Variants in NFKB1 observed in about 807,000 individuals in gnomAD.
NFKB1 encodes nuclear factor kappa B subunit 1, also known as nuclear factor NF-kappa-B p105 subunit.
In NFKB1, 9 loss-of-function variants were observed where a neutral mutation model predicts 105.1. The ratio of observed to expected loss-of-function variants is 0.09; its 90% CI spans 0.05 to 0.15. The LOEUF is 0.15. NFKB1 is among the 10% of genes least tolerant of loss of function. NFKB1 has a pLI of 1.00. For synonymous variants in NFKB1, 440 were observed against 442.2 expected, an observed-to-expected ratio of 1.00 and a Z score of 0.06; for missense variants, 830 against 1,203.7, an observed-to-expected ratio of 0.69 and a Z score of 4.59.
At chr4:102,520,180 A>G (rs1357545950) in intron 1 of NFKB1, among the ~76,000 whole-genome samples, 2 of 152,242 alleles carry the variant, frequency 1.3e-5, no homozygotes, top group Non-Finnish European at 1.5e-5. Context: ...CAAACAGTTT[A>G]TCTAGCAGTG....
In NFKB1 at chr4:102,616,827, T is replaced by G; in HGVS notation, c.*233T>G. 1 of 404,166 alleles carries G rather than the reference T, an allele frequency of 2.5e-6. No individual in the cohort carries two copies. The highest frequency in any genetic ancestry group is 4.5e-6 in the Non-Finnish European group (1 of 221,288). The allele number at this position is 404,166 out of a possible 1,614,324, so 25.0% of individuals were successfully genotyped here. ...GCAATCACAACACTGGCTGAGCGGA[T>G]GCATCTGGGGATGAGGTTGCTTACT... On this transcript the variant is annotated 3_prime_UTR_variant, in exon 24 of 24. Transcript: ENST00000226574.
intron 5 of NFKB1, among the ~76,000 whole-genome samples, chr4:102,541,555 C>T (rs540438764): frequency 2.1e-4 from 32 of 152,134 alleles, no homozygotes; most frequent in Non-Finnish European, 4.0e-4. Flanking sequence ...CTGTTATAAA[C>T]TATTACAGAA....
intron 1 of NFKB1, among the ~76,000 whole-genome samples, chr4:102,509,950 C>T (rs1190864037): frequency 6.6e-6 from 1 of 152,206 alleles, no homozygotes; most frequent in African/African-American, 2.4e-5. Context: ...CTGATTCTCG[C>T]ACACCTCACC....
At chr4:102,564,767 C>T (rs1373343095) in intron 5 of NFKB1, among the ~76,000 whole-genome samples, 1 of 152,182 alleles carries the variant, frequency 6.6e-6, no homozygotes, top group African/African-American at 2.4e-5. Flanking sequence ...TTATGGATTC[C>T]TTCTGGTGTC....
chr4:102,551,502 T>G (rs1722608345), intron 5 of NFKB1, among the ~76,000 whole-genome samples: 1 of 152,144 alleles, frequency 6.6e-6, no homozygotes, highest in South Asian at 2.1e-4. Context: ...TTGACAGGTG[T>G]ACTTCTCAAA....
rs768698948 is a variant in NFKB1 at position 102,579,012 on chromosome 4, G to A, written c.703G>A (p.Val235Met). The A allele has an allele frequency of 6.2e-6, 10 of 1,613,926 alleles. No homozygotes were observed. Among genetic ancestry groups the A allele is most frequent in the African/African-American group, 5.3e-5 (4 of 74,910 alleles). The change falls in exon 8 of 24, where the codon GTG becomes ATG. Residue 235 changes from valine to methionine, a missense_variant. By Grantham distance (21) the Val-to-Met change is conservative. Coordinates refer to ENST00000226574, the MANE Select transcript of NFKB1 (RefSeq NM_003998.4). Reference sequence around the variant, plus strand: ...CAGCTTCACAAGGCGCCTGGAACCCGTGGTATCAGACGCCATCTATGACAG... The same window carrying A: ...CAGCTTCACAAGGCGCCTGGAACCCATGGTATCAGACGCCATCTATGACAG... ...TGSFTRRLEP[V>M]VSDAIYDSKA... is the part of the protein sequence containing the mutation.
chr4:102,574,476 ATC>A (rs2149178465), intron 6 of NFKB1, among the ~76,000 whole-genome samples: 1 of 151,610 alleles, frequency 6.6e-6, no homozygotes, highest in Non-Finnish European at 1.5e-5. Context: ...CTCTGAGTGT[ATC>A]TCTGTTTGCG....
At chr4:102,578,063 A>G (rs1309016169) in intron 7 of NFKB1, 3 of 811,868 alleles carry the variant, frequency 3.7e-6, no homozygotes, top group Non-Finnish European at 4.5e-6. Flanking sequence ...GTCAAAGTCT[A>G]CTACTTGGTA....
At chr4:102,550,321 A>G (rs894144219) in intron 5 of NFKB1, among the ~76,000 whole-genome samples, 4 of 152,096 alleles carry the variant, frequency 2.6e-5, no homozygotes, top group South Asian at 4.1e-4. Flanking sequence ...ACCCCAGTCC[A>G]GGCATCGTCT....
At chr4:102,517,065 G>T (rs768044285) in intron 1 of NFKB1, among the ~76,000 whole-genome samples, 6 of 152,134 alleles carry the variant, frequency 3.9e-5, no homozygotes, top group Non-Finnish European at 7.4e-5. Flanking sequence ...GTTTTGCAGG[G>T]TCTTGTCCTA....
intron 5 of NFKB1, among the ~76,000 whole-genome samples, chr4:102,544,080 A>G (rs1721944656): frequency 6.8e-6 from 1 of 147,600 alleles, no homozygotes; most frequent in Admixed American, 6.6e-5. Flanking sequence ...GACGCTTTTT[A>G]GATTCCTAAA....
intron 6 of NFKB1, among the ~76,000 whole-genome samples, chr4:102,572,017 A>G (rs1038592291): frequency 3.3e-5 from 5 of 152,238 alleles, no homozygotes; most frequent in Non-Finnish European, 5.9e-5. Context: ...TCATGCTGCT[A>G]TAAAGACACA....
intron 6 of NFKB1, among the ~76,000 whole-genome samples, chr4:102,569,233 A>G (rs1724119928): frequency 6.6e-6 from 1 of 152,136 alleles, no homozygotes; most frequent in Non-Finnish European, 1.5e-5. Flanking sequence ...GGAAACCAGT[A>G]TTTTATTCCC....
intron 5 of NFKB1, among the ~76,000 whole-genome samples, chr4:102,543,915 C>T (rs1169095304): frequency 6.6e-6 from 1 of 152,112 alleles, no homozygotes; most frequent in Admixed American, 6.6e-5. Flanking sequence ...TTCCATTGAA[C>T]CCCTAAGCTG....
intron 1 of NFKB1, among the ~76,000 whole-genome samples, chr4:102,504,304 T>C (rs1229705954): frequency 6.6e-6 from 1 of 152,200 alleles, no homozygotes; most frequent in Non-Finnish European, 1.5e-5. Flanking sequence ...TACTGTTGTA[T>C]AACCAATAGA....
rs553437719 is a variant in NFKB1, at chr4:102,563,962, G to T, written c.259-3025G>T. Among the ~76,000 whole-genome samples the T allele has an allele frequency of 6.6e-5, 10 of 151,866 alleles. No individual in the cohort carries two copies. The South Asian group carries it at 2.1e-3, about 32-fold the overall frequency. On this transcript the variant is annotated intron_variant, in intron 5 of 23. Transcript: ENST00000226574. ...GCCTGCCGAATAGCTGGGATTACAGGTGCACACCACCATGCCCGGCTAATA... is the reference window on the plus strand; with the variant it reads ...GCCTGCCGAATAGCTGGGATTACAGTTGCACACCACCATGCCCGGCTAATA...
intron 5 of NFKB1, among the ~76,000 whole-genome samples, chr4:102,555,784 G>C (rs1243160209): frequency 1.3e-5 from 2 of 152,196 alleles, no homozygotes; most frequent in African/African-American, 2.4e-5. Flanking sequence ...AGTAGATAAG[G>C]CCAAATCATG....
chr4:102,562,900 T>A (rs1272162037), intron 5 of NFKB1, among the ~76,000 whole-genome samples: 2 of 152,194 alleles, frequency 1.3e-5, no homozygotes, highest in Non-Finnish European at 2.9e-5. Context: ...ATCATCATCA[T>A]CATCAATCAC....
At chr4:102,570,700 G>C (rs1724266638) in intron 6 of NFKB1, among the ~76,000 whole-genome samples, 3 of 152,134 alleles carry the variant, frequency 2.0e-5, no homozygotes, top group Admixed American at 6.5e-5. Context: ...CAGACAAACA[G>C]AGAGCAAAAT....
Sources: allele counts gnomAD v4.1 joint callset (sites outside exome capture counted in the v4.1 genomes callset), GRCh38; gene constraint gnomAD v4.1.1; transcripts MANE v1.5; gene names NCBI Gene and HGNC (gene_info 2026-07-23, HGNC 2026-07-21).